Variants in MACROD2 observed in about 807,000 individuals in gnomAD.
MACROD2 encodes mono-ADP ribosylhydrolase 2.
Under a neutral mutation model 70.4 loss-of-function variants are expected in MACROD2, and 36 were observed. The observed-to-expected ratio is 0.51, with a 90% CI of 0.39 to 0.68. The LOEUF is 0.68. Ranked by LOEUF, MACROD2 falls within the 30% of genes least tolerant of loss-of-function variation. The probability of loss-of-function intolerance (pLI) is 0.00; values close to 1 mark genes in which losing one functional copy is unlikely to be tolerated. For missense variants in MACROD2, 496 were observed against 538.4 expected (o/e 0.92, Z 0.78); for synonymous variants, 172 against 178.8 (o/e 0.96, Z 0.30).
chr20:15,215,374 T>G (rs2076801614), intron 5 of MACROD2, among the ~76,000 whole-genome samples: 1 of 151,732 alleles, frequency 6.6e-6, no homozygotes, highest in Admixed American at 6.6e-5. Flanking sequence ...AAAAAAACTA[T>G]GAAGATCTTA....
chr20:14,084,269 G>T (rs1211098004), intron 2 of MACROD2, among the ~76,000 whole-genome samples: 1 of 151,672 alleles, frequency 6.6e-6, no homozygotes, highest in Non-Finnish European at 1.5e-5. Context: ...TCCCCCAGGT[G>T]TCTCAAGATT....
At chr20:15,476,574 C>CCCG (rs1555826241) in intron 7 of MACROD2, among the ~76,000 whole-genome samples, 4 of 151,916 alleles carry the variant, frequency 2.6e-5, no homozygotes, top group Admixed American at 2.6e-4. Context: ...TGTTTTGCCC[C>CCCG]CCCCCGGTAA....
intron 8 of MACROD2, among the ~76,000 whole-genome samples, chr20:15,651,629 A>G (rs545241895): frequency 4.6e-5 from 7 of 152,238 alleles, no homozygotes; most frequent in African/African-American, 1.7e-4. Flanking sequence ...AAAGTGGTGT[A>G]TCAGTGACTC....
chr20:14,166,159 A>T (rs1009225526), intron 3 of MACROD2, among the ~76,000 whole-genome samples: 6 of 152,316 alleles, frequency 3.9e-5, no homozygotes, highest in East Asian at 1.9e-4. Flanking sequence ...TATCTTTTGT[A>T]TAAAAAAAGT....
chr20:14,165,067 T>C (rs1397671740), intron 3 of MACROD2, among the ~76,000 whole-genome samples: 1 of 152,072 alleles, frequency 6.6e-6, no homozygotes, highest in Non-Finnish European at 1.5e-5. Context: ...TCCAGGGATG[T>C]GGGGATGCAG....
At position 15,825,311 on chromosome 20, in the gene MACROD2, C is replaced by T. The variant is rs2063984976; in HGVS notation, c.646-37434C>T. 2.0e-5 allele frequency among the ~76,000 whole-genome samples: 3 copies of T among 152,238 alleles called. No homozygotes were observed. The South Asian group carries it at 6.2e-4, about 32-fold the overall frequency. On this transcript the variant is annotated intron_variant, in intron 8 of 17. Coordinates refer to ENST00000684519, the MANE Select transcript of MACROD2 (RefSeq NM_001351661.2). ...ATGCTTGCTCTTGAGACACTCCCTT[C>T]CAGGACACAGGCATCATACTATGAA...
At chr20:15,587,499 A>G (rs924077223) in intron 8 of MACROD2, among the ~76,000 whole-genome samples, 1 of 152,184 alleles carries the variant, frequency 6.6e-6, no homozygotes, top group African/African-American at 2.4e-5. Context: ...GCATTAACCC[A>G]AAAGTCCACA....
intron 5 of MACROD2, among the ~76,000 whole-genome samples, chr20:14,725,647 C>T (rs74656442): frequency 0.035 from 5,257 of 152,168 alleles, 329 homozygotes; most frequent in African/African-American, 0.12. Flanking sequence ...GAGAGGAAGC[C>T]AGCAAAGCTT....
rs1220289651 is a variant in MACROD2, at chr20:16,035,162, TAA to T, written c.1154-6036_1154-6035del. 1.1e-3 allele frequency among the ~76,000 whole-genome samples: 69 copies of T among 64,078 alleles called. 1 individual carries two copies. The highest frequency in any genetic ancestry group is 3.9e-3 in the African/African-American group (56 of 14,346). The allele number at this position is 64,078 out of a possible 152,430, so 42.0% of individuals were successfully genotyped here. On this transcript the variant is annotated intron_variant, in intron 15 of 17. Coordinates refer to ENST00000684519, the MANE Select transcript of MACROD2 (RefSeq NM_001351661.2). ...TATATATTATATATAAAATATAATA[TAA>T]AATATAAAATATTATATATTATATA...
At chr20:15,261,054 G>A (rs1201172021) in intron 6 of MACROD2, among the ~76,000 whole-genome samples, 1 of 151,946 alleles carries the variant, frequency 6.6e-6, no homozygotes, top group Non-Finnish European at 1.5e-5. Context: ...ATGAGCTGCT[G>A]TGATTAGACA....
intron 12 of MACROD2, among the ~76,000 whole-genome samples, chr20:15,939,079 G>A (rs947154026): frequency 6.6e-6 from 1 of 152,198 alleles, no homozygotes; most frequent in African/African-American, 2.4e-5. Context: ...TGAGGTTTAA[G>A]GAAACAAGCT....
rs377110077 is a variant in MACROD2 at position 15,315,384 on chromosome 20, C to T, written c.540+85323C>T. Among the ~76,000 whole-genome samples, 9 of 152,204 alleles carry T rather than the reference C, an allele frequency of 5.9e-5. No individual in the cohort carries two copies. The East Asian group carries it at 1.2e-3, about 20-fold the overall frequency. ...AGAAGGATCGACACAAAGAGACTCA[C>T]GGTGAGACACATTATAACCAAACTG... On this transcript the variant is annotated intron_variant, in intron 6 of 17. Transcript: ENST00000684519.
intron 3 of MACROD2, among the ~76,000 whole-genome samples, chr20:14,469,066 CG>C (rs1366547497): frequency 6.6e-6 from 1 of 152,014 alleles, no homozygotes; most frequent in Non-Finnish European, 1.5e-5. Flanking sequence ...TGGCTGGTAT[CG>C]GTTTTTTCTT....
chr20:14,297,355 C>T (rs181419767), intron 3 of MACROD2, among the ~76,000 whole-genome samples: 15 of 151,966 alleles, frequency 9.9e-5, no homozygotes, highest in Non-Finnish European at 1.9e-4. Context: ...CAAGATAGGC[C>T]GAAAGTGAGG....
chr20:14,948,680 G>C (rs35943967), intron 5 of MACROD2, among the ~76,000 whole-genome samples: 27,322 of 152,154 alleles, frequency 0.18, 3,007 homozygotes, highest in Middle Eastern at 0.27. Flanking sequence ...GCAGGGTAAA[G>C]AATTACAGAG....
At chr20:15,786,869 A>C (rs532874988) in intron 8 of MACROD2, among the ~76,000 whole-genome samples, 24 of 152,388 alleles carry the variant, frequency 1.6e-4, no homozygotes, top group Middle Eastern at 3.4e-3. Context: ...TAATCATATA[A>C]CTATCAAAAT....
chr20:15,861,863 A>G (rs1412757428), intron 8 of MACROD2, among the ~76,000 whole-genome samples: 1 of 152,134 alleles, frequency 6.6e-6, no homozygotes, highest in Non-Finnish European at 1.5e-5. Flanking sequence ...CACGAGAAAC[A>G]CCTCATTTGA....
chr20:15,445,389 A>G (rs2046549595), intron 7 of MACROD2, among the ~76,000 whole-genome samples: 1 of 152,178 alleles, frequency 6.6e-6, no homozygotes, highest in Non-Finnish European at 1.5e-5. Context: ...GCTCCCTAAA[A>G]TCTAACTAAG....
At chr20:15,110,932 A>G (rs962144555) in intron 5 of MACROD2, among the ~76,000 whole-genome samples, 21 of 152,278 alleles carry the variant, frequency 1.4e-4, no homozygotes, top group East Asian at 1.9e-4. Context: ...ATTACTTACT[A>G]TGTGCTGGAC....
Sources: gnomAD v4.1 joint callset for allele counts (sites outside exome capture counted in the v4.1 genomes callset) on GRCh38, gnomAD v4.1.1 for gene constraint, MANE v1.5 for transcripts, NCBI Gene and HGNC (gene_info 2026-07-23, HGNC 2026-07-21) for gene names.